The following TGM5 variants were observed in gnomAD, a reference collection of about 807,000 sequenced individuals.
TGM5 encodes the protein transglutaminase 5.
A neutral mutation model predicts 77.2 loss-of-function variants in TGM5; 69 were observed. The observed-to-expected ratio is 0.89, with a 90% CI of 0.74 to 1.09. The LOEUF is 1.09. Ranked by LOEUF, TGM5 falls within the 50% of genes least tolerant of loss-of-function variation. TGM5 has a pLI of 0.00. For synonymous variants in TGM5, 346 were observed against 351.8 expected (o/e 0.98, Z 0.18); for missense variants, 842 against 896.5 (o/e 0.94, Z 0.78).
intron 5 of TGM5, 62 bp downstream of exon 5, chr15:43,253,444 G>A: frequency 6.2e-7 from 1 of 1,600,904 alleles, no homozygotes; most frequent in Non-Finnish European, 8.5e-7. Context: ...GGGGGCAACT[G>A]TGAGTGGGCA....
chr15:43,260,454 T>G lies in TGM5; in HGVS notation c.136A>C (p.Arg46=), dbSNP rs750813472. ...AGGCCTGGCTGGAAGCTCCGGTTCC[T>G]GAAGTACAGGGTGAGGTTGAAGGCC... ...GQAFNLTLYF[R]NRSFQPGLDN... is the part of the protein sequence containing the mutation. Residue 46 remains arginine, a synonymous_variant, in exon 2 of 13, where the codon AGG becomes CGG. Coordinates refer to ENST00000220420, the MANE Select transcript of TGM5 (RefSeq NM_201631.4). 6.2e-7 allele frequency: 1 copy of G among 1,614,200 alleles called. No homozygotes were observed. Among genetic ancestry groups the G allele is most frequent in the South Asian group, 1.1e-5 (1 of 91,088 alleles).
chr15:43,254,742 C>T (rs1010664616), intron 4 of TGM5, among the ~76,000 whole-genome samples: 1 of 152,204 alleles, frequency 6.6e-6, no homozygotes, highest in Non-Finnish European at 1.5e-5. Flanking sequence ...CACCTTCCCT[C>T]TGTCTGGGAT....
intron 6 of TGM5, among the ~76,000 whole-genome samples, chr15:43,246,623 T>G (rs1234522589): frequency 1.3e-5 from 2 of 152,096 alleles, no homozygotes; most frequent in African/African-American, 4.8e-5. Flanking sequence ...CTTAACAAGT[T>G]AACGAGATGA....
At chr15:43,257,995 A>C (rs967926246) in intron 3 of TGM5, among the ~76,000 whole-genome samples, 3 of 152,042 alleles carry the variant, frequency 2.0e-5, no homozygotes, top group African/African-American at 7.2e-5. Flanking sequence ...ACCAAACACC[A>C]CATGTTCTCA....
chr15:43,258,746 C>T (rs924480319), intron 3 of TGM5, among the ~76,000 whole-genome samples: 1 of 152,196 alleles, frequency 6.6e-6, no homozygotes, highest in African/African-American at 2.4e-5. Context: ...ACTTCAGCCC[C>T]CACCAACCCT....
In TGM5 at chr15:43,259,976, A is replaced by G. The variant is rs1312641416; in HGVS notation, c.436+76T>C. On this transcript the variant is annotated intron_variant, in intron 3 of 12. Coordinates refer to ENST00000220420, the MANE Select transcript of TGM5 (RefSeq NM_201631.4). ...TCTGGGTGGCCCGGGAGCGGGGTCT[A>G]GAAACCCTTGAGCCTGTCTCTCTGG... 2.5e-6 allele frequency: 4 copies of G among 1,608,370 alleles called. No individual in the cohort carries two copies. The African/African-American group carries it at 5.3e-5, about 21-fold the overall frequency.
At chr15:43,242,903 TAC>T (rs2042647085) in intron 6 of TGM5, among the ~76,000 whole-genome samples, 1 of 152,156 alleles carries the variant, frequency 6.6e-6, no homozygotes, top group Admixed American at 6.5e-5. Context: ...ATGCTAAAAG[TAC>T]AGTCAGGAGG....
At chr15:43,236,504 C>G (rs1485673357) in intron 9 of TGM5, among the ~76,000 whole-genome samples, 1 of 152,164 alleles carries the variant, frequency 6.6e-6, no homozygotes, top group East Asian at 1.9e-4. Flanking sequence ...CTCATAATTC[C>G]AGAAGCTGCT....
Position 43,234,798 on chromosome 15 carries a change from T to A in TGM5, c.1846A>T (p.Thr616Ser), listed in dbSNP as rs750073312. Reference sequence around the variant, plus strand: ...ATCGTGATGCTTGGATAAGATAAGGTGATGATCTTGTTCACCAGGATTTTC... The same window carrying A: ...ATCGTGATGCTTGGATAAGATAAGGAGATGATCTTGTTCACCAGGATTTTC... ...PEKILVNKII[T>S]LSYPSITINV... The change falls in exon 11 of 13, where the codon ACC (threonine) becomes TCC (serine). Residue 616 changes from threonine (T) to serine (S), a missense_variant. By Grantham distance (58) the Thr-to-Ser change is moderately conservative. Coordinates refer to ENST00000220420, the MANE Select transcript of TGM5 (RefSeq NM_201631.4). 2 of 1,613,996 alleles carry A rather than the reference T, an allele frequency of 1.2e-6. No individual in the cohort carries two copies. Among genetic ancestry groups the A allele is most frequent in the Non-Finnish European group, 1.7e-6 (2 of 1,179,954 alleles).
At position 43,260,120 on chromosome 15, in the gene TGM5, G is replaced by T; in HGVS notation, c.368C>A (p.Ser123Tyr). The stretch of plus-strand genomic sequence containing the variant: ...GTAGGCCGTCACAGACCCCTGGAAG[G>T]AGTCGATGTGGATTTTCAAGAGGTA... ...GRYLLKIHIDSFQGSVTAYQL... is the reference protein window; with the variant it reads ...GRYLLKIHIDYFQGSVTAYQL... Residue 123 changes from serine to tyrosine, a missense_variant, in exon 3 of 13, where the codon TCC (serine) becomes TAC (tyrosine). Around this residue, in one of 2 missense-constraint regions of TGM5, gnomAD observed 815 missense variants for 844.6 expected, o/e 0.96. Coordinates refer to ENST00000220420, the MANE Select transcript of TGM5 (RefSeq NM_201631.4). 1.2e-6 allele frequency: 2 copies of T among 1,614,184 alleles called. No individual in the cohort carries two copies. The highest frequency in any genetic ancestry group is 2.7e-5 in the African/African-American group (2 of 75,054).
Position 43,253,646 on chromosome 15 carries a change from G to A in TGM5, c.556-12C>T, listed in dbSNP as rs764419844. The A allele has an allele frequency of 3.6e-5, 58 of 1,611,338 alleles. No individual in the cohort carries two copies. Among genetic ancestry groups the A allele is most frequent in the Middle Eastern group, 1.6e-4 (1 of 6,064 alleles). ...ATTTTGTCTTCAAACTTCGGGGGGAGAGGCAGAGAGGGAAGGCACCCATGC... is the reference window on the plus strand; with the variant it reads ...ATTTTGTCTTCAAACTTCGGGGGGAAAGGCAGAGAGGGAAGGCACCCATGC... On this transcript the variant is annotated splice_polypyrimidine_tract_variant and intron_variant, in intron 4 of 12. Transcript: ENST00000220420.
At chr15:43,264,832 C>T (rs1489393949) in intron 1 of TGM5, among the ~76,000 whole-genome samples, 6 of 152,144 alleles carry the variant, frequency 3.9e-5, no homozygotes, top group Non-Finnish European at 8.8e-5. Context: ...TGCCAAAATA[C>T]CCTAATAAGT....
chr15:43,247,015 G>A (rs1044160786), intron 6 of TGM5, among the ~76,000 whole-genome samples: 6 of 152,128 alleles, frequency 3.9e-5, no homozygotes, highest in Non-Finnish European at 7.4e-5. Context: ...AAAATTAGCC[G>A]GGCGTGGTGT....
chr15:43,240,772 C>T (rs2042629545), intron 7 of TGM5, 80 bp downstream of exon 7: 1 of 1,594,428 alleles, frequency 6.3e-7, no homozygotes, highest in Non-Finnish European at 8.6e-7. Flanking sequence ...GGCTCATGGA[C>T]CTCGTTCTGC....
intron 6 of TGM5, among the ~76,000 whole-genome samples, chr15:43,250,332 C>T (rs929006073): frequency 3.9e-5 from 6 of 152,184 alleles, no homozygotes; most frequent in African/African-American, 1.4e-4. Flanking sequence ...CTTCAATAAT[C>T]CTATGAGGTA....
At chr15:43,261,060 C>CTTTTTTTTTTTTTTTTTT (rs199676346) in intron 1 of TGM5, among the ~76,000 whole-genome samples, 4 of 90,616 alleles carry the variant, frequency 4.4e-5, no homozygotes, top group African/African-American at 1.3e-4. Flanking sequence ...GCTGCTCTTC[C>CTTTTTTTTTTTTTTTTTT]TTTTTTTGTG....
chr15:43,251,943 G>A (rs567024367), intron 6 of TGM5, among the ~76,000 whole-genome samples: 1 of 152,260 alleles, frequency 6.6e-6, no homozygotes, highest in Admixed American at 6.5e-5. Context: ...CCAGAGTCAG[G>A]CTATCAGGCC....
At chr15:43,246,356 G>A (rs928545719) in intron 6 of TGM5, among the ~76,000 whole-genome samples, 8 of 152,068 alleles carry the variant, frequency 5.3e-5, no homozygotes, top group African/African-American at 1.9e-4. Flanking sequence ...CTCGTCCCCC[G>A]CCACTTCATG....
chr15:43,253,561 G>C lies in TGM5; in HGVS notation c.629C>G (p.Thr210Arg). Residue 210 changes from threonine (T) to arginine (R), a missense_variant, in exon 5 of 13, where the codon ACA becomes AGA. Around this residue, in one of 2 missense-constraint regions of TGM5, gnomAD observed 815 missense variants for 844.6 expected, o/e 0.96. Coordinates refer to ENST00000220420, the MANE Select transcript of TGM5 (RefSeq NM_201631.4). ...KSLHFQTDPATDCALRGSPVY... is the reference protein window; with the variant it reads ...KSLHFQTDPARDCALRGSPVY... ...GGGGCTTCCCCGCAGAGCACAGTCT[G>C]TGGCTGGGTCAGTCTGGAAGTGCAG... 6.2e-7 allele frequency: 1 copy of C among 1,613,862 alleles called. No homozygotes were observed. The highest frequency in any genetic ancestry group is 1.1e-5 in the South Asian group (1 of 91,084).
Sources: allele counts gnomAD v4.1 joint callset (sites outside exome capture counted in the v4.1 genomes callset), GRCh38; gene constraint gnomAD v4.1.1; regional missense constraint gnomAD v4.1.1; transcripts MANE v1.5; gene names NCBI Gene and HGNC (gene_info 2026-07-23, HGNC 2026-07-21).